Variants in LYPLAL1 observed in about 807,000 individuals in gnomAD.
The protein encoded by LYPLAL1 is lysophospholipase-like protein 1.
Under a neutral mutation model 19.7 loss-of-function variants are expected in LYPLAL1, and 23 were observed. The ratio of observed to expected loss-of-function variants is 1.17; its 90% CI spans 0.84 to 1.65. LYPLAL1 has a LOEUF of 1.65. LYPLAL1 is among the 40% of genes most tolerant of loss of function. The pLI is 0.00. For synonymous variants in LYPLAL1, 119 were observed against 96.3 expected (o/e 1.24, Z -1.38); for missense variants, 355 against 279.4 (o/e 1.27, Z -1.93).
At chr1:219,179,799 TAAA>T (rs1656123621) in intron 2 of LYPLAL1, among the ~76,000 whole-genome samples, 1 of 152,230 alleles carries the variant, frequency 6.6e-6, no homozygotes, top group Admixed American at 6.5e-5. Context: ...TTCACAGTAA[TAAA>T]ACTGCTATAG....
At chr1:219,253,054 G>T in the LYPLAL1 span, among the ~76,000 whole-genome samples, 2 of 151,848 alleles carry the variant, frequency 1.3e-5, no homozygotes, top group Non-Finnish European at 2.9e-5. Context: ...CCTCGTCTAG[G>T]TTTTCTAGTT....
chr1:219,282,356 T>C, the LYPLAL1 span, among the ~76,000 whole-genome samples: 3 of 152,028 alleles, frequency 2.0e-5, no homozygotes, highest in African/African-American at 7.2e-5. Flanking sequence ...ATAGATCTTG[T>C]GAGCTCTCCA....
the LYPLAL1 span, among the ~76,000 whole-genome samples, chr1:219,240,739 A>T: frequency 6.6e-6 from 1 of 152,172 alleles, no homozygotes; most frequent in East Asian, 1.9e-4. Context: ...ACAGTACACT[A>T]TAGTTGAGTT....
At chr1:219,303,437 G>A in the LYPLAL1 span, among the ~76,000 whole-genome samples, 1 of 152,224 alleles carries the variant, frequency 6.6e-6, no homozygotes, top group African/African-American at 2.4e-5. Flanking sequence ...AAGCAGGGTT[G>A]TGCCTGGGGC....
chr1:219,176,616 C>T (rs1655830842), intron 1 of LYPLAL1, among the ~76,000 whole-genome samples: 1 of 152,186 alleles, frequency 6.6e-6, no homozygotes, highest in South Asian at 2.1e-4. Context: ...TCCTCCTCTA[C>T]CTGGCCATTA....
At chr1:219,310,625 G>A in the LYPLAL1 span, among the ~76,000 whole-genome samples, 2 of 152,130 alleles carry the variant, frequency 1.3e-5, no homozygotes, top group African/African-American at 4.8e-5. Context: ...AAAAGCAAAG[G>A]CCATGCTATG....
At chr1:219,215,312 G>A (rs778600596), downstream of LYPLAL1, among the ~76,000 whole-genome samples, 10 of 151,796 alleles carry the variant, frequency 6.6e-5, no homozygotes, top group Non-Finnish European at 1.2e-4. Flanking sequence ...GAATTATTTC[G>A]GACAATAAAT....
chr1:219,237,257 A>C, the LYPLAL1 span, among the ~76,000 whole-genome samples: 3 of 152,246 alleles, frequency 2.0e-5, no homozygotes, highest in Non-Finnish European at 2.9e-5. Context: ...TATATGTTTC[A>C]AATTTCACTG....
chr1:219,308,978 C>T, the LYPLAL1 span, among the ~76,000 whole-genome samples: 1 of 152,208 alleles, frequency 6.6e-6, no homozygotes, highest in Non-Finnish European at 1.5e-5. Flanking sequence ...TACTCAACAT[C>T]AGCCTGTGAA....
At chr1:219,342,011 G>A in the LYPLAL1 span, among the ~76,000 whole-genome samples, 3 of 152,100 alleles carry the variant, frequency 2.0e-5, no homozygotes, top group Non-Finnish European at 4.4e-5. Context: ...TACTCACATT[G>A]TATTTATATC....
At chr1:219,300,718 G>C in the LYPLAL1 span, among the ~76,000 whole-genome samples, 4 of 151,158 alleles carry the variant, frequency 2.6e-5, no homozygotes, top group Non-Finnish European at 4.4e-5. Context: ...TGTATTTTTA[G>C]TAGAGACGGG....
chr1:219,184,098 G>A (rs1656520982), intron 2 of LYPLAL1, among the ~76,000 whole-genome samples: 1 of 151,762 alleles, frequency 6.6e-6, no homozygotes, highest in African/African-American at 2.4e-5. Flanking sequence ...CAAAACACCT[G>A]TTTGGATTTT....
the LYPLAL1 span, chr1:219,409,686 C>T: frequency 6.6e-6 from 1 of 152,156 alleles, no homozygotes; most frequent in African/African-American, 2.4e-5. Flanking sequence ...GACTTGAGTT[C>T]CTCAGCAGTG....
chr1:219,219,481 G>A, the LYPLAL1 span, among the ~76,000 whole-genome samples: 1 of 152,192 alleles, frequency 6.6e-6, no homozygotes, highest in Non-Finnish European at 1.5e-5. Context: ...AGGAACAGGT[G>A]ACCATGTCCT....
chr1:219,327,713 G>A, the LYPLAL1 span, among the ~76,000 whole-genome samples: 7 of 152,146 alleles, frequency 4.6e-5, no homozygotes, highest in Non-Finnish European at 8.8e-5. Flanking sequence ...GGAGGTAATT[G>A]AATAATGGGG....
the LYPLAL1 span, among the ~76,000 whole-genome samples, chr1:219,424,031 TTATAA>T: frequency 8.7e-5 from 13 of 148,884 alleles, no homozygotes; most frequent in African/African-American, 4.9e-5. Flanking sequence ...ATGATATATA[TTATAA>T]TATACTATAT....
chr1:219,290,778 TG>T, the LYPLAL1 span, among the ~76,000 whole-genome samples: 14 of 152,342 alleles, frequency 9.2e-5, no homozygotes, highest in African/African-American at 3.4e-4. Flanking sequence ...TCTTGCAGTC[TG>T]GATTGGGACC....
chr1:219,196,748 C>T (rs1330303636), intron 3 of LYPLAL1, among the ~76,000 whole-genome samples: 2 of 152,074 alleles, frequency 1.3e-5, no homozygotes, highest in Non-Finnish European at 2.9e-5. Flanking sequence ...ATCTAGAAAA[C>T]TCTATCGTTT....
the LYPLAL1 span, among the ~76,000 whole-genome samples, chr1:219,439,778 C>T: frequency 3.3e-5 from 5 of 151,538 alleles, no homozygotes; most frequent in Non-Finnish European, 7.4e-5. Context: ...TAACTTATGG[C>T]CTTCTGGCTT....
Sources: allele counts gnomAD v4.1 joint callset (sites outside exome capture counted in the v4.1 genomes callset), GRCh38; gene constraint gnomAD v4.1.1; transcripts MANE v1.5; gene names NCBI Gene and HGNC (gene_info 2026-07-23, HGNC 2026-07-21).